ERFE: variants seen among roughly 807,000 people sequenced by gnomAD.
The protein encoded by ERFE is erythroferrone.
Under a neutral mutation model 26.6 loss-of-function variants are expected in ERFE, and 25 were observed. That is an observed-to-expected ratio of 0.94 (90% CI 0.69 to 1.31). The LOEUF (loss-of-function observed/expected upper bound fraction) is 1.31, where lower values mean the gene tolerates loss of function less well. ERFE is among the 40% of genes most tolerant of loss of function. The pLI is 0.00. For synonymous variants in ERFE, 206 were observed against 204.5 expected (o/e 1.01, Z -0.06); for missense variants, 447 against 440.2 (o/e 1.02, Z -0.14).
Position 238,162,802 on chromosome 2 carries a change from G to A in ERFE, c.388G>A (p.Glu130Lys), listed in dbSNP as rs568268740. 26 of 1,550,410 alleles carry A rather than the reference G, an allele frequency of 1.7e-5. No individual in the cohort carries two copies. Among genetic ancestry groups the A allele is most frequent in the African/African-American group, 9.6e-5 (7 of 73,184 alleles). Residue 130 changes from glutamate (E) to lysine (K), a missense_variant, in exon 3 of 8, where the codon GAG becomes AAG. By Grantham distance (56) the Glu-to-Lys change is moderately conservative. Transcript: ENST00000546354. ...QGPPGPIIPP[E>K]ALLKEFQLLL... ...CCCCCCAGGCCCCATCATCCCACCCGAGGCGCTGCTGAAGGAGTTCCAGCT... is the reference window on the plus strand; with the variant it reads ...CCCCCCAGGCCCCATCATCCCACCCAAGGCGCTGCTGAAGGAGTTCCAGCT...
intron 1 of ERFE, among the ~76,000 whole-genome samples, chr2:238,159,439 C>T (rs1159600544): frequency 2.6e-5 from 4 of 152,286 alleles, no homozygotes; most frequent in South Asian, 2.1e-4. Context: ...CAAGGTTCTA[C>T]TAGGTCGGCG....
rs1395008564 is a variant in ERFE at position 238,161,609 on chromosome 2, C to T, written c.214C>T (p.Arg72Cys). Reference sequence around the variant, plus strand: ...TGTGTTCCAGGAGCCCACCGCTGAGCGTGCACACAGCGTCGACCCCCGGGA... The same window carrying T: ...TGTGTTCCAGGAGCCCACCGCTGAGTGTGCACACAGCGTCGACCCCCGGGA... ...AARPPEPTAE[R>C]AHSVDPRDAW... The change falls in exon 2 of 8, where the codon CGT becomes TGT. Residue 72 changes from arginine (R) to cysteine (C), a missense_variant. Arg to Cys is a radical substitution (Grantham distance 180). Transcript: ENST00000546354. 12 of 1,541,076 alleles carry T rather than the reference C, an allele frequency of 7.8e-6. No homozygotes were observed. Among genetic ancestry groups the T allele is most frequent in the Admixed American group, 5.9e-5 (3 of 50,704 alleles).
In ERFE at chr2:238,167,109, T is replaced by C. The variant is rs1693049948; in HGVS notation, c.*55T>C. 3.3e-6 allele frequency: 5 copies of C among 1,507,420 alleles called. No individual in the cohort carries two copies. The highest frequency in any genetic ancestry group is 4.5e-6 in the Non-Finnish European group (5 of 1,111,792). 93.4% of individuals were successfully genotyped at this position (1,507,420 alleles called of 1,614,324 possible). ...GCAAATGGAGCACAGATCTAGACAA[T>C]GTGTGGACAGTGTCAGAGTAGCAGT... On this transcript the variant is annotated 3_prime_UTR_variant, in exon 8 of 8. Transcript: ENST00000546354.
At chr2:238,159,339 G>GGGCTCCGT in intron 1 of ERFE, 134 bp downstream of exon 1, 1 of 168,204 alleles carries the variant, frequency 5.9e-6, no homozygotes, top group Non-Finnish European at 1.3e-5. Flanking sequence ...CGGGGCTCCG[G>GGGCTCCGT]GGCTCCGCAG....
At position 238,161,650 on chromosome 2, in the gene ERFE, C is replaced by T. The variant is rs1483951607; in HGVS notation, c.255C>T (p.Phe85=). ...ACCCCCGGGACGCCTGGATGCTCTTCGTCAGGCAGAGTGACAAGGGTGTCA... is the reference window on the plus strand; with the variant it reads ...ACCCCCGGGACGCCTGGATGCTCTTTGTCAGGCAGAGTGACAAGGGTGTCA... The part of the protein sequence containing the change: ...SVDPRDAWML[F]VRQSDKGVNG... Residue 85 remains phenylalanine (F), a synonymous_variant, in exon 2 of 8, where the codon TTC becomes TTT. Transcript: ENST00000546354. 3.9e-6 allele frequency: 6 copies of T among 1,548,194 alleles called. No homozygotes were observed. Among genetic ancestry groups the T allele is most frequent in the South Asian group, 1.2e-5 (1 of 83,852 alleles).
intron 7 of ERFE, among the ~76,000 whole-genome samples, chr2:238,166,040 T>C (rs1391401000): frequency 6.6e-6 from 1 of 152,218 alleles, no homozygotes; most frequent in East Asian, 1.9e-4. Flanking sequence ...AGGGAGGGAA[T>C]GGAGGCCAGC....
rs1692956850 is a variant in ERFE at position 238,162,729 on chromosome 2, C to A, written c.322-7C>A. Reference sequence around the variant, plus strand: ...CACATGTCCTCACTGCCAAGGTTCCCTTTCAGTTCGGCTTGCCAGGGCCCC... The same window carrying A: ...CACATGTCCTCACTGCCAAGGTTCCATTTCAGTTCGGCTTGCCAGGGCCCC... On this transcript the variant is annotated splice_region_variant and splice_polypyrimidine_tract_variant and intron_variant, in intron 2 of 7. Coordinates refer to ENST00000546354, the MANE Select transcript of ERFE (RefSeq NM_001291832.2). The A allele has an allele frequency of 6.5e-7, 1 of 1,535,152 alleles. No homozygotes were observed. Among genetic ancestry groups the A allele is most frequent in the African/African-American group, 1.4e-5 (1 of 72,898 alleles).
chr2:238,168,623 C>A lies in ERFE; in HGVS notation c.*1569C>A. The A allele has an allele frequency of 2.7e-6, 1 of 374,440 alleles. No homozygotes were observed. Among genetic ancestry groups the A allele is most frequent in the South Asian group, 2.0e-5 (1 of 49,822 alleles). The allele number at this position is 374,440 out of a possible 1,614,324, so 23.2% of individuals were successfully genotyped here. On this transcript the variant is annotated 3_prime_UTR_variant, in exon 8 of 8. Transcript: ENST00000546354. The stretch of plus-strand genomic sequence containing the variant: ...ACCAAACACTCTGCCCTGGGAAAGG[C>A]CTGGTGCGATTCTCAGTAGGACTCA...
chr2:238,164,110 C>CTGGCTT lies in ERFE; in HGVS notation c.723_724insTGGCTT (p.Gly241_Leu242insTrpLeu). ...AGGGTGCCTTCCGCCGCGGCCCGGG[C>CTGGCTT]CTGAACTTGACCAGCGGCCAGTACA... On this transcript the variant is annotated inframe_insertion, in exon 5 of 8. Coordinates refer to ENST00000546354, the MANE Select transcript of ERFE (RefSeq NM_001291832.2). 1 of 1,450,912 alleles carries CTGGCTT rather than the reference C, an allele frequency of 6.9e-7. No homozygotes were observed. Among genetic ancestry groups the CTGGCTT allele is most frequent in the Non-Finnish European group, 9.0e-7 (1 of 1,105,744 alleles). The allele number at this position is 1,450,912 out of a possible 1,614,324, so 89.9% of individuals were successfully genotyped here. A position where few individuals can be genotyped will look rare whatever the true frequency, so the allele number is the denominator to read the frequency against.
Position 238,164,096 on chromosome 2 carries a change from C to A in ERFE, c.709C>A (p.Arg237Ser). ...YYLPDAEGAF[R>S]RGPGLNLTSG... is the part of the protein sequence containing the mutation. ...GCAGCCCGACGCCGAGGGTGCCTTC[C>A]GCCGCGGCCCGGGCCTGAACTTGAC... Residue 237 changes from arginine to serine, a missense_variant, in exon 5 of 8, where the codon CGC (arginine) becomes AGC (serine). Physicochemically the swap from Arg to Ser is moderately radical, Grantham distance 110. Transcript: ENST00000546354. 7.0e-7 allele frequency: 1 copy of A among 1,432,010 alleles called. No individual in the cohort carries two copies. The highest frequency in any genetic ancestry group is 9.1e-7 in the Non-Finnish European group (1 of 1,095,854). 88.7% of individuals were successfully genotyped at this position (1,432,010 alleles called of 1,614,324 possible).
chr2:238,161,509 A>T (rs760864752), intron 1 of ERFE, 85 bp from the exon 2 acceptor site: 70 of 1,430,530 alleles, frequency 4.9e-5, no homozygotes, highest in Non-Finnish European at 6.3e-5. Flanking sequence ...ACAGAAGGCC[A>T]CACAGTCACC....
At position 238,164,084 on chromosome 2, in the gene ERFE, GA is replaced by G. The variant is rs937728238; in HGVS notation, c.698del (p.Glu233GlyfsTer10). On this transcript the variant is annotated frameshift_variant, in exon 5 of 8. Transcript: ENST00000546354. LOFTEE classifies it high-confidence loss of function. ...ELGVYYLPDA[E>X]GAFRRGPGLN... is the part of the protein sequence containing the mutation. ...TCCGTGCCCCTCGCAGCCCGACGCC[GA>G]GGGTGCCTTCCGCCGCGGCCCGGGC... The G allele has an allele frequency of 4.7e-5, 67 of 1,423,912 alleles. No homozygotes were observed. The African/African-American group carries it at 9.4e-4, about 20-fold the overall frequency. 88.2% of individuals were successfully genotyped at this position (1,423,912 alleles called of 1,614,324 possible). A position where few individuals can be genotyped will look rare whatever the true frequency, so the allele number is the denominator to read the frequency against.
At chr2:238,159,892 G>A (rs992456948) in intron 1 of ERFE, among the ~76,000 whole-genome samples, 26 of 152,320 alleles carry the variant, frequency 1.7e-4, no homozygotes, top group African/African-American at 6.0e-4. Flanking sequence ...GGGGTGGGCG[G>A]CCGGTGCTGT....
At chr2:238,164,226 C>T (rs1001737953) in intron 5 of ERFE, 43 bp downstream of exon 5, 4 of 1,433,802 alleles carry the variant, frequency 2.8e-6, no homozygotes, top group Non-Finnish European at 2.7e-6. Flanking sequence ...CTGTCGCCCA[C>T]CCCGCCGCCC....
At position 238,168,481 on chromosome 2, in the gene ERFE, T is replaced by TAA. The variant is rs1693085049; in HGVS notation, c.*1428_*1429dup. ...TGGCCAGTCACCTTCACCTTCTAAC[T>TAA]AACTAGCCTCCGGATGAGGTGGCTG... On this transcript the variant is annotated 3_prime_UTR_variant, in exon 8 of 8. Transcript: ENST00000546354. 1 of 470,528 alleles carries TAA rather than the reference T, an allele frequency of 2.1e-6. No individual in the cohort carries two copies. Among genetic ancestry groups the TAA allele is most frequent in the Non-Finnish European group, 4.4e-6 (1 of 226,788 alleles). The allele number at this position is 470,528 out of a possible 1,614,324, so 29.1% of individuals were successfully genotyped here. A position where few individuals can be genotyped will look rare whatever the true frequency, so the allele number is the denominator to read the frequency against.
chr2:238,164,390 C>A (rs1482460015), intron 6 of ERFE, 30 bp downstream of exon 6: 2 of 1,538,524 alleles, frequency 1.3e-6, no homozygotes, highest in East Asian at 2.5e-5. Flanking sequence ...GACCCCACAC[C>A]CGCATTCGCT....
chr2:238,164,721 G>GCGA (rs1450697325), intron 6 of ERFE: 5 of 259,792 alleles, frequency 1.9e-5, no homozygotes, highest in African/African-American at 1.2e-4. Context: ...GGGCGTGGTG[G>GCGA]GTGCCTGTAA....
At chr2:238,165,282 T>C (rs1275429190) in intron 6 of ERFE, among the ~76,000 whole-genome samples, 2 of 152,354 alleles carry the variant, frequency 1.3e-5, no homozygotes, top group African/African-American at 4.8e-5. Context: ...CCAGAGTGTG[T>C]TGGCCTGAAC....
At chr2:238,165,522 T>C (rs1652278708) in intron 6 of ERFE, 84 bp from the exon 7 acceptor site, 3 of 1,194,476 alleles carry the variant, frequency 2.5e-6, no homozygotes, top group Non-Finnish European at 2.4e-6. Flanking sequence ...GGGCATGTGT[T>C]GGCTGCTGGC....
Sources: allele counts gnomAD v4.1 joint callset (sites outside exome capture counted in the v4.1 genomes callset), GRCh38; gene constraint gnomAD v4.1.1; transcripts MANE v1.5; gene names NCBI Gene and HGNC (gene_info 2026-07-23, HGNC 2026-07-21).